The following PSAP variants were observed in gnomAD, a reference collection of about 807,000 sequenced individuals.
PSAP encodes prosaposin, also known as precursor of saposins.
Under a neutral mutation model 66.0 loss-of-function variants are expected in PSAP, and 25 were observed. That is an observed-to-expected ratio of 0.38 (90% CI 0.28 to 0.53). The LOEUF (loss-of-function observed/expected upper bound fraction) is 0.53. Ranked by LOEUF, PSAP falls within the 20% of genes least tolerant of loss-of-function variation. The probability of loss-of-function intolerance (pLI) is 0.83; values close to 1 mark genes in which losing one functional copy is unlikely to be tolerated. For synonymous variants in PSAP, 273 were observed against 258.9 expected, an observed-to-expected ratio of 1.05 and a Z score of -0.52; for missense variants, 649 against 668.8, an observed-to-expected ratio of 0.97 and a Z score of 0.33.
intron 7 of PSAP, among the ~76,000 whole-genome samples, chr10:71,825,220 G>A (rs919903788): frequency 1.3e-5 from 2 of 152,156 alleles, no homozygotes; most frequent in Non-Finnish European, 2.9e-5. Flanking sequence ...GGGAAAAGGT[G>A]CCCCCCACCC....
chr10:71,822,834 G>A (rs911880687), intron 7 of PSAP, among the ~76,000 whole-genome samples: 10 of 152,172 alleles, frequency 6.6e-5, no homozygotes, highest in African/African-American at 2.4e-4. Flanking sequence ...AAAAGAGCTA[G>A]ACCATGACTA....
At chr10:71,841,285 CAT>C (rs920931528) in intron 1 of PSAP, among the ~76,000 whole-genome samples, 25 of 152,370 alleles carry the variant, frequency 1.6e-4, no homozygotes, top group Non-Finnish European at 2.4e-4. Context: ...AGAAGATAAT[CAT>C]ATGCTGAAAA....
intron 6 of PSAP, among the ~76,000 whole-genome samples, chr10:71,827,118 C>T (rs1341509769): frequency 1.3e-5 from 2 of 152,118 alleles, no homozygotes; most frequent in East Asian, 3.9e-4. Flanking sequence ...GGTAAATGGC[C>T]GGGCGCGGTG....
intron 1 of PSAP, among the ~76,000 whole-genome samples, chr10:71,846,898 G>C (rs1842835148): frequency 1.3e-5 from 2 of 152,168 alleles, no homozygotes; most frequent in South Asian, 2.1e-4. Context: ...TAGAATCTCT[G>C]CTAGAAGCTG....
rs574280149 is a variant in PSAP, at chr10:71,851,212, G to C, written c.10C>G (p.Leu4Val). Residue 4 changes from leucine to valine, a missense_variant, in exon 1 of 14, where the codon CTC (leucine) becomes GTC (valine). Transcript: ENST00000394936. MYA[L>V]FLLASLLGAA... Reference sequence around the variant, plus strand: ...CCCAGGAGGCTGGCCAGGAGGAAGAGGGCGTACATAGCGCCGTCTGACTCC... The same window carrying C: ...CCCAGGAGGCTGGCCAGGAGGAAGACGGCGTACATAGCGCCGTCTGACTCC... The C allele has an allele frequency of 3.0e-4, 463 of 1,551,142 alleles. 8 individuals are homozygous for C. In the South Asian group the frequency reaches 4.7e-3, roughly 16 times the overall value.
At chr10:71,820,145 TG>T in intron 9 of PSAP, 94 bp downstream of exon 9, 1 of 1,181,600 alleles carries the variant, frequency 8.5e-7, no homozygotes, top group Non-Finnish European at 1.3e-6. Context: ...ATGTCAAGGC[TG>T]GGCCAAGCCC....
intron 6 of PSAP, among the ~76,000 whole-genome samples, chr10:71,827,408 A>AG (rs1184474025): frequency 0.012 from 1,759 of 145,132 alleles, 42 homozygotes; most frequent in African/African-American, 0.043. Context: ...CAAAAAAGAA[A>AG]AAAAAAAAAG....
At chr10:71,833,644 C>T (rs1233814052) in intron 2 of PSAP, among the ~76,000 whole-genome samples, 1 of 152,194 alleles carries the variant, frequency 6.6e-6, no homozygotes, top group Non-Finnish European at 1.5e-5. Flanking sequence ...GCCGGCACAG[C>T]CCCAAGTGAG....
At chr10:71,844,891 TA>T (rs1440614874) in intron 1 of PSAP, 2 of 152,224 alleles carry the variant, frequency 1.3e-5, no homozygotes, top group African/African-American at 2.4e-5. Flanking sequence ...CTTCCTTTTC[TA>T]CCGTTGCAGT....
chr10:71,850,998 C>T (rs1259374847), intron 1 of PSAP, among the ~76,000 whole-genome samples, 184 bp downstream of exon 1: 1 of 152,242 alleles, frequency 6.6e-6, no homozygotes, highest in East Asian at 1.9e-4. Context: ...CGCAGCCCGC[C>T]CCCCGCAGCC....
intron 7 of PSAP, 115 bp from the exon 8 acceptor site, chr10:71,822,122 C>CCTCCCT: frequency 7.1e-7 from 1 of 1,401,238 alleles, no homozygotes; most frequent in Non-Finnish European, 9.9e-7. Context: ...GTCAAGGCTA[C>CCTCCCT]CTCCCTCTCC....
At position 71,818,757 on chromosome 10, in the gene PSAP, G is replaced by A. The variant is rs1163037541; in HGVS notation, c.1432-33C>T. On this transcript the variant is annotated intron_variant, in intron 12 of 13. Transcript: ENST00000394936. Reference sequence around the variant, plus strand: ...GTGAGAAAAGGAAAGAAGAAAGGGGGAGAATGAGAGCTGCCCGATGTATCG... The same window carrying A: ...GTGAGAAAAGGAAAGAAGAAAGGGGAAGAATGAGAGCTGCCCGATGTATCG... The A allele has an allele frequency of 4.6e-6, 7 of 1,535,778 alleles. No homozygotes were observed. In the African/African-American group the frequency reaches 5.5e-5, roughly 12 times the overall value.
chr10:71,846,425 T>TAAA (rs397943634), intron 1 of PSAP, among the ~76,000 whole-genome samples: 1 of 115,886 alleles, frequency 8.6e-6, no homozygotes, highest in African/African-American at 3.0e-5. Context: ...TTAAAGCCCT[T>TAAA]AAAAAAAAAA....
chr10:71,850,970 T>A (rs1267694925), intron 1 of PSAP, among the ~76,000 whole-genome samples: 1 of 152,182 alleles, frequency 6.6e-6, no homozygotes, highest in Non-Finnish European at 1.5e-5. Flanking sequence ...GCCTGGGCCG[T>A]CCTCCCGGGG....
In PSAP at chr10:71,829,044, G is replaced by T. The variant is rs377027316; in HGVS notation, c.409C>A (p.Leu137Ile). ...AGGTGCTTCTGGAGAGACTCGCAGA[G>T]GTTGAGAGCAGAGCACACCTCCCCA... The part of the protein sequence containing the change: ...RPGEVCSALN[L>I]CESLQKHLAE... Residue 137 changes from leucine to isoleucine, a missense_variant, in exon 5 of 14, where the codon CTC becomes ATC. Coordinates refer to ENST00000394936, the MANE Select transcript of PSAP (RefSeq NM_002778.4). 1 of 1,614,152 alleles carries T rather than the reference G, an allele frequency of 6.2e-7. No homozygotes were observed. The highest frequency in any genetic ancestry group is 8.5e-7 in the Non-Finnish European group (1 of 1,180,032).
chr10:71,847,559 G>A (rs1232249475), intron 1 of PSAP, among the ~76,000 whole-genome samples: 1 of 151,610 alleles, frequency 6.6e-6, no homozygotes, highest in Non-Finnish European at 1.5e-5. Flanking sequence ...ATAACAACCT[G>A]TCAGGCTTCT....
Position 71,821,886 on chromosome 10 carries a change from T to C in PSAP, c.899A>G (p.Glu300Gly), listed in dbSNP as rs764164653. 6.2e-7 allele frequency: 1 copy of C among 1,614,166 alleles called. No individual in the cohort carries two copies. Among genetic ancestry groups the C allele is most frequent in the Non-Finnish European group, 8.5e-7 (1 of 1,180,024 alleles). ...KNVIPALELV[E>G]PIKKHEVPAK... is the part of the protein sequence containing the mutation. ...AGTGACACCAGGTACCTTAATGGGC[T>C]CCACCAGTTCCAGGGCAGGGATGAC... is the stretch of plus-strand genomic sequence containing the variant. The change falls in exon 8 of 14, where the codon GAG (glutamate) becomes GGG (glycine). Residue 300 changes from glutamate (E) to glycine (G), a missense_variant. Transcript: ENST00000394936.
At chr10:71,829,499 T>C (rs1842469119) in intron 4 of PSAP, among the ~76,000 whole-genome samples, 1 of 152,210 alleles carries the variant, frequency 6.6e-6, no homozygotes. Flanking sequence ...CTCTCTTGCC[T>C]GCTGCCATGT....
At chr10:71,846,449 G>T (rs996228771) in intron 1 of PSAP, among the ~76,000 whole-genome samples, 2 of 147,338 alleles carry the variant, frequency 1.4e-5, no homozygotes, top group African/African-American at 5.0e-5. Flanking sequence ...AAAAAGCCAG[G>T]TGCGGCGACT....
Sources: gnomAD v4.1 joint callset for allele counts (sites outside exome capture counted in the v4.1 genomes callset) on GRCh38, gnomAD v4.1.1 for gene constraint, MANE v1.5 for transcripts, NCBI Gene and HGNC (gene_info 2026-07-23, HGNC 2026-07-21) for gene names.